Variants in NPAS2 observed in about 807,000 individuals in gnomAD.
The protein encoded by NPAS2 is neuronal PAS domain protein 2, also known as neuronal PAS domain-containing protein 2.
Under a neutral mutation model 107.5 loss-of-function variants are expected in NPAS2, and 23 were observed. The ratio of observed to expected loss-of-function variants is 0.21; its 90% CI spans 0.15 to 0.30. The LOEUF is 0.30. NPAS2 is among the 10% of genes least tolerant of loss of function. The pLI, the probability that NPAS2 is intolerant of heterozygous loss-of-function variation, is 1.00. For synonymous variants in NPAS2, 403 were observed against 417.5 expected, an observed-to-expected ratio of 0.97 and a Z score of 0.42; for missense variants, 756 against 1,043.3, an observed-to-expected ratio of 0.72 and a Z score of 3.79.
intron 12 of NPAS2, among the ~76,000 whole-genome samples, chr2:100,971,458 C>T (rs76087171): frequency 0.027 from 4,064 of 152,248 alleles, 191 homozygotes; most frequent in African/African-American, 0.092. Flanking sequence ...CCTCCCTCCC[C>T]GGCTGGGTTG....
chr2:100,968,145 T>A lies in NPAS2; in HGVS notation c.908-136T>A. 1.2e-6 allele frequency: 1 copy of A among 867,118 alleles called. No homozygotes were observed. 53.7% of individuals were successfully genotyped at this position (867,118 alleles called of 1,614,324 possible). ...CCGTGATCCTGACAGTCACTTAAAA[T>A]ACAGGGCAACCGGGGAAACAAGCCA... On this transcript the variant is annotated intron_variant, in intron 10 of 20. Transcript: ENST00000335681. This position sits in a 1 kb window ranked among gnomAD's most constrained non-coding sequence, Gnocchi z 5.3.
chr2:100,902,103 A>C (rs1000948227), intron 1 of NPAS2, among the ~76,000 whole-genome samples: 2 of 151,988 alleles, frequency 1.3e-5, no homozygotes, highest in Non-Finnish European at 2.9e-5. Context: ...AATCCTTCTC[A>C]CTGAAAACTT....
Position 100,923,885 on chromosome 2 carries a change from T to C in NPAS2, c.33-1261T>C, listed in dbSNP as rs529188758. On this transcript the variant is annotated intron_variant, in intron 2 of 20. Transcript: ENST00000335681. ...GCTTCCGGACTTTTCAGGAGGGCTT[T>C]TTGCATCACGTGTTCCTTGTTCGTT... is the stretch of plus-strand genomic sequence containing the variant. Among the ~76,000 whole-genome samples, 3 of 152,178 alleles carry C rather than the reference T, an allele frequency of 2.0e-5. No homozygotes were observed. The East Asian group carries it at 5.8e-4, about 29-fold the overall frequency.
chr2:100,995,131 C>T (rs193096695), intron 20 of NPAS2: 182 of 445,272 alleles, frequency 4.1e-4, no homozygotes, highest in African/African-American at 3.4e-3. Flanking sequence ...TTCCCCATAG[C>T]CATAGCCACA....
chr2:100,853,212 C>T (rs1416773598), intron 1 of NPAS2, among the ~76,000 whole-genome samples: 3 of 152,168 alleles, frequency 2.0e-5, no homozygotes, highest in Non-Finnish European at 4.4e-5. Flanking sequence ...CAGCTTCTGT[C>T]GCAATCTTGC....
At chr2:100,852,318 A>G (rs894208843) in intron 1 of NPAS2, among the ~76,000 whole-genome samples, 3 of 151,966 alleles carry the variant, frequency 2.0e-5, no homozygotes, top group Non-Finnish European at 4.4e-5. Context: ...AATGGCGTGA[A>G]CCCGGGAGGC....
chr2:100,822,457 A>G (rs1041068977), intron 1 of NPAS2, among the ~76,000 whole-genome samples: 8 of 152,218 alleles, frequency 5.3e-5, no homozygotes, highest in Admixed American at 2.6e-4. Flanking sequence ...GATGTGTGCC[A>G]TGTTTAAGTT....
chr2:100,975,072 T>C, intron 13 of NPAS2, 128 bp downstream of exon 13: 3 of 955,842 alleles, frequency 3.1e-6, no homozygotes, highest in Non-Finnish European at 3.1e-6. Flanking sequence ...CCGTGCAGTT[T>C]ATACTCCTCC....
chr2:100,895,945 C>T (rs1261859381), intron 1 of NPAS2, among the ~76,000 whole-genome samples: 2 of 152,320 alleles, frequency 1.3e-5, no homozygotes, highest in South Asian at 2.1e-4. Context: ...CCTTACTGTG[C>T]AGAGAATGTG....
At chr2:100,988,757 CACTG>C in intron 17 of NPAS2, 7 of 303,442 alleles carry the variant, frequency 2.3e-5, no homozygotes, top group Non-Finnish European at 3.1e-5. Context: ...TCCAGGCCCC[CACTG>C]CTCCTCCAGG....
chr2:100,972,262 C>G (rs1009851092), intron 12 of NPAS2, among the ~76,000 whole-genome samples: 4 of 152,146 alleles, frequency 2.6e-5, no homozygotes, highest in African/African-American at 9.7e-5. Context: ...CCTGATTTCT[C>G]CCACTGAGAG....
chr2:100,832,234 T>G (rs1676787232), intron 1 of NPAS2, among the ~76,000 whole-genome samples: 1 of 152,218 alleles, frequency 6.6e-6, no homozygotes, highest in Non-Finnish European at 1.5e-5. Flanking sequence ...ACAGCAGATA[T>G]GAGCCCCTCA....
At chr2:100,873,305 TATACACACACACAC>T (rs1194084546) in intron 1 of NPAS2, among the ~76,000 whole-genome samples, 12 of 38,266 alleles carry the variant, frequency 3.1e-4, no homozygotes, top group African/African-American at 6.5e-4. Flanking sequence ...TATATATATA[TATACACACACACAC>T]ACACACACAC....
chr2:100,854,114 C>T lies in NPAS2; in HGVS notation c.-23+33700C>T, dbSNP rs528494805. On this transcript the variant is annotated intron_variant, in intron 1 of 20. Transcript: ENST00000335681. ...GCAGTGAGCAGAGATTGCACCACTG[C>T]ACTCCAGCCTCGACAACAGGCTTTT... Among the ~76,000 whole-genome samples, 9 of 143,332 alleles carry T rather than the reference C, an allele frequency of 6.3e-5. No individual in the cohort carries two copies. In the South Asian group the frequency reaches 2.0e-3, roughly 32 times the overall value. 94.0% of individuals were successfully genotyped at this position (143,332 alleles called of 152,430 possible).
intron 2 of NPAS2, among the ~76,000 whole-genome samples, chr2:100,920,937 TC>T (rs889726188): frequency 5.3e-5 from 8 of 152,208 alleles, no homozygotes; most frequent in African/African-American, 1.9e-4. Context: ...GTCGCAGTCT[TC>T]CCTTGATTTC....
At chr2:100,930,254 A>G (rs356649) in intron 3 of NPAS2, among the ~76,000 whole-genome samples, 125,654 of 152,180 alleles carry the variant, frequency 0.83, 52,139 homozygotes, top group East Asian at 1. Flanking sequence ...TGGATGGAAG[A>G]TGAGGTGGGG....
intron 1 of NPAS2, among the ~76,000 whole-genome samples, chr2:100,857,175 A>G (rs1678629422): frequency 6.6e-6 from 1 of 151,998 alleles, no homozygotes; most frequent in Non-Finnish European, 1.5e-5. Flanking sequence ...GCGGGCGCCT[A>G]TAATCCCAGC....
At chr2:100,934,755 G>A in intron 4 of NPAS2, 1 of 984,746 alleles carries the variant, frequency 1.0e-6, no homozygotes, top group Non-Finnish European at 1.2e-6. Context: ...CCCAGCTGTG[G>A]TTGGGGGAGA....
chr2:100,854,126 G>A (rs1352670521), intron 1 of NPAS2, among the ~76,000 whole-genome samples: 8 of 125,490 alleles, frequency 6.4e-5, no homozygotes, highest in East Asian at 2.3e-4. Flanking sequence ...CTCCAGCCTC[G>A]ACAACAGGCT....
Sources: allele counts gnomAD v4.1 joint callset (sites outside exome capture counted in the v4.1 genomes callset), GRCh38; gene constraint gnomAD v4.1.1; non-coding constraint Gnocchi (gnomAD v3.1); transcripts MANE v1.5; gene names NCBI Gene and HGNC (gene_info 2026-07-23, HGNC 2026-07-21).